FGL1: variants seen among roughly 807,000 people sequenced by gnomAD.
The protein encoded by FGL1 is fibrinogen-like protein 1.
FGL1 carries 59 observed loss-of-function variants against 43.7 expected under a neutral mutation model. That is an observed-to-expected ratio of 1.35 (90% confidence interval 1.10 to 1.68). FGL1 has a LOEUF of 1.68. Ranked by LOEUF, FGL1 falls within the 40% of genes most tolerant of loss-of-function variation. The probability of loss-of-function intolerance (pLI) is 0.00; values close to 1 mark genes in which losing one functional copy is unlikely to be tolerated. For missense variants in FGL1, 596 were observed against 373.0 expected (o/e 1.60, Z -4.92); for synonymous variants, 192 against 126.5 (o/e 1.52, Z -3.48).
At chr8:17,876,517 C>T (rs576671291) in intron 3 of FGL1, among the ~76,000 whole-genome samples, 1 of 152,144 alleles carries the variant, frequency 6.6e-6, no homozygotes, top group African/African-American at 2.4e-5. Flanking sequence ...CATATACATG[C>T]TAAATTATAA....
At chr8:17,871,720 A>T (rs904353195) in intron 5 of FGL1, among the ~76,000 whole-genome samples, 3 of 151,958 alleles carry the variant, frequency 2.0e-5, no homozygotes, top group Non-Finnish European at 4.4e-5. Context: ...ATAATTAAAG[A>T]ATGCAGAGAC....
At chr8:17,889,502 A>G (rs1486857755) in intron 1 of FGL1, among the ~76,000 whole-genome samples, 1 of 152,158 alleles carries the variant, frequency 6.6e-6, no homozygotes, top group Non-Finnish European at 1.5e-5. Context: ...GTGAGCTGAG[A>G]TTGTCTCACT....
In FGL1 at chr8:17,868,512, C is replaced by T. The variant is rs201924338; in HGVS notation, c.779+36G>A. 1.0e-4 allele frequency: 154 copies of T among 1,527,560 alleles called. 1 individual carries two copies. The East Asian group carries it at 3.4e-3, about 34-fold the overall frequency. 94.6% of individuals were successfully genotyped at this position (1,527,560 alleles called of 1,614,324 possible). A position where few individuals can be genotyped will look rare whatever the true frequency, so the allele number is the denominator to read the frequency against. The stretch of plus-strand genomic sequence containing the variant: ...TTAATGTCTATCAGTGAGATATCAT[C>T]AACTCCATTACAACTATGCTCATAA... On this transcript the variant is annotated intron_variant, in intron 7 of 7. Transcript: ENST00000427924.
intron 5 of FGL1, among the ~76,000 whole-genome samples, chr8:17,869,421 T>C (rs1283606198): frequency 6.6e-6 from 1 of 152,238 alleles, no homozygotes; most frequent in Non-Finnish European, 1.5e-5. Flanking sequence ...AATGACATTG[T>C]GTAATCTCTA....
chr8:17,891,879 T>G, intron 1 of FGL1: 1 of 710,834 alleles, frequency 1.4e-6, no homozygotes, highest in African/African-American at 1.9e-5. Flanking sequence ...GATTTGCAAA[T>G]ATGTCATGTC....
chr8:17,874,578 T>C, intron 3 of FGL1, 57 bp from the exon 4 acceptor site: 1 of 1,394,012 alleles, frequency 7.2e-7, no homozygotes, highest in Admixed American at 1.9e-5. Context: ...TCCCCCCGCC[T>C]TAGGGAGCCT....
intron 3 of FGL1, among the ~76,000 whole-genome samples, chr8:17,879,492 C>T (rs932622006): frequency 6.6e-6 from 1 of 152,038 alleles, no homozygotes; most frequent in African/African-American, 2.4e-5. Flanking sequence ...GTGGAGTTGT[C>T]ATGAATGTTT....
At chr8:17,872,894 G>A (rs984593385) in intron 5 of FGL1, among the ~76,000 whole-genome samples, 2 of 152,144 alleles carry the variant, frequency 1.3e-5, no homozygotes, top group Admixed American at 1.3e-4. Context: ...TATATATACA[G>A]AAAAGATGGA....
In FGL1 at chr8:17,885,527, C is replaced by T; in HGVS notation, c.28G>A (p.Val10Ile). ...CTGCCCATTGTCAGAGCGGTGGTAA[C>T]AAGGATGAAACTGAACACCTTTGCC... Reference protein sequence around the residue: MAKVFSFILVTTALTMGREI... With the variant: MAKVFSFILITTALTMGREI... The change falls in exon 2 of 8, where the codon GTT becomes ATT. Residue 10 changes from valine (V) to isoleucine (I), a missense_variant. Coordinates refer to ENST00000427924, the MANE Select transcript of FGL1 (RefSeq NM_004467.4). 6.2e-7 allele frequency: 1 copy of T among 1,613,778 alleles called. No homozygotes were observed. The highest frequency in any genetic ancestry group is 8.5e-7 in the Non-Finnish European group (1 of 1,179,814).
At chr8:17,881,300 C>A (rs1023541424) in intron 3 of FGL1, among the ~76,000 whole-genome samples, 6 of 151,678 alleles carry the variant, frequency 4.0e-5, no homozygotes, top group African/African-American at 1.5e-4. Context: ...CCACGCCCAG[C>A]TAATTTTTGT....
At chr8:17,887,343 G>T (rs1196166425) in intron 1 of FGL1, among the ~76,000 whole-genome samples, 1 of 152,148 alleles carries the variant, frequency 6.6e-6, no homozygotes, top group Non-Finnish European at 1.5e-5. Context: ...TCATGCACCT[G>T]GGAGAGGTAT....
Position 17,869,008 on chromosome 8 carries a change from A to G in FGL1, c.503-4T>C. 1 of 1,571,098 alleles carries G rather than the reference A, an allele frequency of 6.4e-7. No homozygotes were observed. Among genetic ancestry groups the G allele is most frequent in the Non-Finnish European group, 8.7e-7 (1 of 1,151,456 alleles). On this transcript the variant is annotated splice_region_variant and splice_polypyrimidine_tract_variant and intron_variant, in intron 5 of 7. Coordinates refer to ENST00000427924, the MANE Select transcript of FGL1 (RefSeq NM_004467.4). ...TCGATTTTTAAAGTGTAGTCTTCTA[A>G]AAAAGAAACAAGCAATTATAATTTT...
At chr8:17,870,442 A>G (rs1225466982) in intron 5 of FGL1, among the ~76,000 whole-genome samples, 3 of 152,210 alleles carry the variant, frequency 2.0e-5, no homozygotes, top group Non-Finnish European at 4.4e-5. Context: ...TAAATAAGAT[A>G]TAACAATGAC....
chr8:17,889,936 A>T (rs1157230572), intron 1 of FGL1, among the ~76,000 whole-genome samples: 1 of 152,248 alleles, frequency 6.6e-6, no homozygotes, highest in Non-Finnish European at 1.5e-5. Flanking sequence ...TACTGTTTGC[A>T]GCTTACTTGA....
chr8:17,871,655 G>A (rs895938592), intron 5 of FGL1, among the ~76,000 whole-genome samples: 1 of 152,112 alleles, frequency 6.6e-6, no homozygotes, highest in Non-Finnish European at 1.5e-5. Flanking sequence ...TTTATGTAGT[G>A]GGGATAAAGC....
intron 3 of FGL1, among the ~76,000 whole-genome samples, chr8:17,875,541 CTTTCTTTCTTTCTTTCTTTCTTTCTTT>C (rs2053439014): frequency 7.3e-5 from 1 of 13,674 alleles, no homozygotes; most frequent in African/African-American, 2.2e-4. Context: ...CTTTCTCTTT[CTTTCTTTCTTTCTTTCTTTCTTTCTTT>C]CTTTCTTTCT....
At chr8:17,873,187 G>A (rs1353081856) in intron 5 of FGL1, among the ~76,000 whole-genome samples, 3 of 152,056 alleles carry the variant, frequency 2.0e-5, no homozygotes, top group Non-Finnish European at 4.4e-5. Context: ...TTAAAAAAAA[G>A]TCTGAGCTGC....
At chr8:17,880,794 T>C (rs2053523231) in intron 3 of FGL1, among the ~76,000 whole-genome samples, 1 of 152,216 alleles carries the variant, frequency 6.6e-6, no homozygotes, top group South Asian at 2.1e-4. Context: ...CTTTTACTTC[T>C]GGAGGAATTC....
chr8:17,872,001 T>C (rs904646762), intron 5 of FGL1, among the ~76,000 whole-genome samples: 1 of 152,186 alleles, frequency 6.6e-6, no homozygotes, highest in African/African-American at 2.4e-5. Flanking sequence ...TAAATATCAA[T>C]GTGCAAATGA....
Sources: allele counts gnomAD v4.1 joint callset (sites outside exome capture counted in the v4.1 genomes callset), GRCh38; gene constraint gnomAD v4.1.1; transcripts MANE v1.5; gene names NCBI Gene and HGNC (gene_info 2026-07-23, HGNC 2026-07-21).